The following PHACTR3 variants were observed in gnomAD, a reference collection of about 807,000 sequenced individuals.
PHACTR3 encodes phosphatase and actin regulator 3.
In PHACTR3, 16 loss-of-function variants were observed where a neutral mutation model predicts 66.8. The ratio of observed to expected loss-of-function variants is 0.24; its 90% CI spans 0.16 to 0.36. PHACTR3 has a LOEUF of 0.36. Ranked by LOEUF, PHACTR3 falls within the 10% of genes least tolerant of loss-of-function variation. The pLI is 1.00. For synonymous variants in PHACTR3, 323 were observed against 292.1 expected, an observed-to-expected ratio of 1.11 and a Z score of -1.08; for missense variants, 647 against 719.9, an observed-to-expected ratio of 0.90 and a Z score of 1.16.
At chr20:59,616,750 T>C (rs1203516630) in intron 1 of PHACTR3, among the ~76,000 whole-genome samples, 1 of 152,232 alleles carries the variant, frequency 6.6e-6, no homozygotes, top group Non-Finnish European at 1.5e-5. Flanking sequence ...GCACTAGCTG[T>C]TTGCTTTGGT....
At chr20:59,599,095 G>A (rs2033403220) in intron 1 of PHACTR3, among the ~76,000 whole-genome samples, 1 of 152,374 alleles carries the variant, frequency 6.6e-6, no homozygotes, top group East Asian at 1.9e-4. Context: ...CTGGGGGACT[G>A]AGGCAGCAGA....
At chr20:59,839,569 A>G (rs2059020799) in intron 9 of PHACTR3, among the ~76,000 whole-genome samples, 1 of 152,194 alleles carries the variant, frequency 6.6e-6, no homozygotes, top group Non-Finnish European at 1.5e-5. Context: ...GCAACAGAGA[A>G]CACCAGAAAT....
At chr20:59,684,990 C>CT (rs1054036007) in intron 1 of PHACTR3, among the ~76,000 whole-genome samples, 1 of 152,220 alleles carries the variant, frequency 6.6e-6, no homozygotes, top group Non-Finnish European at 1.5e-5. Flanking sequence ...TCCTTTGCTT[C>CT]TGCAGGTCCC....
chr20:59,813,093 T>C (rs190541009), intron 8 of PHACTR3, among the ~76,000 whole-genome samples: 18 of 152,278 alleles, frequency 1.2e-4, no homozygotes, highest in African/African-American at 3.8e-4. Context: ...ATGAGGTGGT[T>C]ATGGTCCACG....
Position 59,604,637 on chromosome 20 carries a change from C to T in PHACTR3, c.-378C>T. ...GGGGAGGGAGCGCCCCCAGACATTC[C>T]AGGACATCACCCCCTGCCCCAAGCA... On this transcript the variant is annotated 5_prime_UTR_variant, in exon 1 of 13. Transcript: ENST00000371015. The T allele has an allele frequency of 6.1e-6, 6 of 986,008 alleles. No homozygotes were observed. The highest frequency in any genetic ancestry group is 7.2e-6 in the Non-Finnish European group (6 of 829,600). 61.1% of individuals were successfully genotyped at this position (986,008 alleles called of 1,614,324 possible).
intron 1 of PHACTR3, among the ~76,000 whole-genome samples, chr20:59,740,832 C>T (rs1230218044): frequency 2.0e-5 from 3 of 152,236 alleles, no homozygotes; most frequent in Non-Finnish European, 4.4e-5. Context: ...AGGTCACTGC[C>T]ATGTGGGGCC....
intron 1 of PHACTR3, among the ~76,000 whole-genome samples, chr20:59,591,468 G>A (rs1452943609): frequency 6.6e-6 from 1 of 152,206 alleles, no homozygotes; most frequent in African/African-American, 2.4e-5. Context: ...GTACAGATGA[G>A]GAAACTGAGG....
At chr20:59,667,006 C>T (rs1243660738) in intron 1 of PHACTR3, among the ~76,000 whole-genome samples, 4 of 152,252 alleles carry the variant, frequency 2.6e-5, no homozygotes, top group East Asian at 3.8e-4. Flanking sequence ...TGGGGAGCAA[C>T]GTCCAAGGTG....
At chr20:59,588,024 G>A (rs2033085493) in intron 1 of PHACTR3, among the ~76,000 whole-genome samples, 2 of 152,106 alleles carry the variant, frequency 1.3e-5, no homozygotes, top group Non-Finnish European at 2.9e-5. Flanking sequence ...AGCTGCAAAG[G>A]CCTTCACATT....
chr20:59,595,022 C>A lies in PHACTR3; in HGVS notation c.109+17405C>A, dbSNP rs965506079. On this transcript the variant is annotated intron_variant, in intron 1 of 12. Coordinates refer to the PHACTR3 transcript ENST00000359926. ...TTTAGTCCAAAATATTTTAAAATTTCACTCGAGATTTCTTCTTTGACCTAT... is the reference window on the plus strand; with the variant it reads ...TTTAGTCCAAAATATTTTAAAATTTAACTCGAGATTTCTTCTTTGACCTAT... Among the ~76,000 whole-genome samples the A allele has an allele frequency of 2.6e-5, 4 of 152,186 alleles. No individual in the cohort carries two copies. In the East Asian group the frequency reaches 7.7e-4, roughly 29 times the overall value.
chr20:59,647,805 A>C (rs1359068977), intron 1 of PHACTR3, among the ~76,000 whole-genome samples: 1 of 152,088 alleles, frequency 6.6e-6, no homozygotes, highest in Admixed American at 6.6e-5. Context: ...TCCCACCCTT[A>C]ATGTGCTTGT....
intron 1 of PHACTR3, among the ~76,000 whole-genome samples, chr20:59,591,640 A>C (rs1600874718): frequency 1.3e-5 from 2 of 151,892 alleles, no homozygotes; most frequent in South Asian, 4.2e-4. Flanking sequence ...GGGAGATCTC[A>C]TGGCTGGTCT....
chr20:59,837,079 A>G (rs1407985593), intron 9 of PHACTR3, among the ~76,000 whole-genome samples: 2 of 152,164 alleles, frequency 1.3e-5, no homozygotes, highest in Non-Finnish European at 2.9e-5. Flanking sequence ...TTAGGTGGAC[A>G]ATTATAGCAT....
intron 1 of PHACTR3, among the ~76,000 whole-genome samples, chr20:59,665,602 C>T (rs1011771310): frequency 8.6e-5 from 13 of 151,768 alleles, no homozygotes; most frequent in Non-Finnish European, 1.5e-4. Flanking sequence ...TGGTGGAGTT[C>T]GAGGGAGTGA....
chr20:59,774,692 C>T (rs1052031983), intron 7 of PHACTR3, among the ~76,000 whole-genome samples: 4 of 150,716 alleles, frequency 2.7e-5, no homozygotes, highest in Admixed American at 6.6e-5. Flanking sequence ...AGGCTTAGAG[C>T]AAGGAACTAG....
intron 1 of PHACTR3, among the ~76,000 whole-genome samples, chr20:59,610,170 G>T (rs559065300): frequency 6.6e-6 from 1 of 152,168 alleles, no homozygotes; most frequent in Non-Finnish European, 1.5e-5. Flanking sequence ...CGGGAGGATC[G>T]CTTGAGCTGG....
intron 4 of PHACTR3, 96 bp from the exon 5 acceptor site, chr20:59,767,090 C>T (rs117798193): frequency 0.032 from 40,034 of 1,259,622 alleles, 739 homozygotes; most frequent in Non-Finnish European, 0.038. Context: ...ATGCTCTTCA[C>T]GATCCCATCC....
At position 59,668,545 on chromosome 20, in the gene PHACTR3, C is replaced by T. The variant is rs143090158; in HGVS notation, c.118+63413C>T. On this transcript the variant is annotated intron_variant, in intron 1 of 12. Coordinates refer to ENST00000371015, the MANE Select transcript of PHACTR3 (RefSeq NM_080672.5). ...TTCAATTTGTTTCCTGGGAACAAAG[C>T]TCTCCACCATTTAAGATACATCTCT... 6.7e-3 allele frequency among the ~76,000 whole-genome samples: 1,019 copies of T among 152,312 alleles called. 6 individuals are homozygous for T. The highest frequency in any genetic ancestry group is 0.012 in the Non-Finnish European group (789 of 68,020).
At chr20:59,625,062 C>T (rs951200759) in intron 1 of PHACTR3, among the ~76,000 whole-genome samples, 16 of 152,160 alleles carry the variant, frequency 1.1e-4, no homozygotes, top group African/African-American at 3.9e-4. Context: ...GTGACCTTAG[C>T]AGTTTTGAGG....
Sources: allele counts gnomAD v4.1 joint callset (sites outside exome capture counted in the v4.1 genomes callset), GRCh38; gene constraint gnomAD v4.1.1; transcripts MANE v1.5; gene names NCBI Gene and HGNC (gene_info 2026-07-23, HGNC 2026-07-21).